DYNC2H1: variants seen among roughly 807,000 people sequenced by gnomAD.
DYNC2H1 encodes the protein cytoplasmic dynein 2 heavy chain 1.
In DYNC2H1, 410 loss-of-function variants were observed where a neutral mutation model predicts 570.0. The ratio of observed to expected loss-of-function variants is 0.72; its 90% CI spans 0.66 to 0.78. The LOEUF is 0.78. Among genes scored for constraint, DYNC2H1 ranks in the 30% least tolerant of loss-of-function variants. The pLI, the probability that DYNC2H1 is intolerant of heterozygous loss-of-function variation, is 0.00. For missense variants in DYNC2H1, 4,865 were observed against 5,046.4 expected, an observed-to-expected ratio of 0.96 and a Z score of 1.09; for synonymous variants, 1,688 against 1,677.6, an observed-to-expected ratio of 1.01 and a Z score of -0.15.
At chr11:103,398,189 C>G (rs1277118300) in intron 83 of DYNC2H1, among the ~76,000 whole-genome samples, 1 of 152,088 alleles carries the variant, frequency 6.6e-6, no homozygotes, top group African/African-American at 2.4e-5. Context: ...GTCTATAAGT[C>G]AAATTTTATT....
chr11:103,154,446 T>C lies in DYNC2H1; in HGVS notation c.3303-5T>C. On this transcript the variant is annotated splice_region_variant and splice_polypyrimidine_tract_variant and intron_variant, in intron 22 of 88. Transcript: ENST00000375735. ...AATTTAATATTTCAATATTTGTTTC[T>C]ATAGTGATGATTGCCATCATTTTAG... The C allele has an allele frequency of 4.6e-6, 7 of 1,523,392 alleles. No individual in the cohort carries two copies. The highest frequency in any genetic ancestry group is 6.1e-6 in the Non-Finnish European group (7 of 1,140,414). 94.4% of individuals were successfully genotyped at this position (1,523,392 alleles called of 1,614,324 possible).
chr11:103,478,564 C>T (rs367750335), intron 88 of DYNC2H1, among the ~76,000 whole-genome samples: 32 of 152,114 alleles, frequency 2.1e-4, no homozygotes, highest in African/African-American at 7.0e-4. Context: ...ACCATGGGAA[C>T]GTAACCCAAA....
chr11:103,479,593 A>G lies in DYNC2H1; in HGVS notation c.*340A>G. 3 of 166,794 alleles carry G rather than the reference A, an allele frequency of 1.8e-5. No individual in the cohort carries two copies. In the South Asian group the frequency reaches 5.6e-4, roughly 31 times the overall value. The allele number at this position is 166,794 out of a possible 1,614,324, so 10.3% of individuals were successfully genotyped here. A position where few individuals can be genotyped will look rare whatever the true frequency, so the allele number is the denominator to read the frequency against. On this transcript the variant is annotated 3_prime_UTR_variant, in exon 89 of 89. Transcript: ENST00000375735. ...AAATATTTTGGCTGTCATTTGTGTC[A>G]TAATTATTTAATAAAAGAGCATTCA... is the stretch of plus-strand genomic sequence containing the variant.
intron 82 of DYNC2H1, among the ~76,000 whole-genome samples, chr11:103,348,630 C>A (rs1939880653): frequency 6.6e-6 from 1 of 152,102 alleles, no homozygotes; most frequent in African/African-American, 2.4e-5. Flanking sequence ...ATATTAGGAG[C>A]TTTTCCTTTT....
intron 36 of DYNC2H1, among the ~76,000 whole-genome samples, chr11:103,174,746 A>G (rs1222960749): frequency 1.3e-5 from 2 of 152,150 alleles, no homozygotes; most frequent in African/African-American, 2.4e-5. Flanking sequence ...ATCAGTGGGT[A>G]TATAACAACC....
chr11:103,183,280 A>G (rs1591372449), intron 40 of DYNC2H1, among the ~76,000 whole-genome samples: 1 of 152,010 alleles, frequency 6.6e-6, no homozygotes, highest in East Asian at 1.9e-4. Context: ...AGGCTTTCCA[A>G]TGCAGATACT....
At chr11:103,302,172 T>A (rs777882285) in intron 75 of DYNC2H1, among the ~76,000 whole-genome samples, 1 of 152,018 alleles carries the variant, frequency 6.6e-6, no homozygotes, top group Non-Finnish European at 1.5e-5. Flanking sequence ...CACAGATGAA[T>A]TGTTTAAATA....
chr11:103,360,744 C>G (rs1320232884), intron 83 of DYNC2H1, among the ~76,000 whole-genome samples: 1 of 151,948 alleles, frequency 6.6e-6, no homozygotes. Context: ...AGTCATGGTA[C>G]CTACCTTGTG....
Position 103,185,314 on chromosome 11 carries a change from A to G in DYNC2H1, c.6633+263A>G, listed in dbSNP as rs1303349543. 6.6e-6 allele frequency among the ~76,000 whole-genome samples: 1 copy of G among 151,856 alleles called. No individual in the cohort carries two copies. The highest frequency in any genetic ancestry group is 1.9e-4 in the East Asian group (1 of 5,198). On this transcript the variant is annotated intron_variant, in intron 41 of 88. Transcript: ENST00000375735. The surrounding 1 kb of genome is among the most constrained non-coding windows in gnomAD (Gnocchi z 4.5). ...TTGGACCATATCTTTTTTAAGTTAG[A>G]CATTTTTGAACCTACTTGTCTACAT...
In DYNC2H1 at chr11:103,135,554, A is replaced by G; in HGVS notation, c.2265A>G (p.Lys755=). Reference sequence around the variant, plus strand: ...AACACTGGAATCATCAACTGTACAAAGCTCTGGAGCATCAGTACCAGATGG... The same window carrying G: ...AACACTGGAATCATCAACTGTACAAGGCTCTGGAGCATCAGTACCAGATGG... ...WKQHWNHQLY[K]ALEHQYQMGL... is the part of the protein sequence containing the mutation. Residue 755 remains lysine (K), a synonymous_variant, in exon 16 of 89, where the codon AAA becomes AAG. Transcript: ENST00000375735. 3 of 1,612,086 alleles carry G rather than the reference A, an allele frequency of 1.9e-6. No individual in the cohort carries two copies. The highest frequency in any genetic ancestry group is 2.5e-6 in the Non-Finnish European group (3 of 1,179,188).
At position 103,179,173 on chromosome 11, in the gene DYNC2H1, C is replaced by G; in HGVS notation, c.6287C>G (p.Thr2096Ser). ...CCAAATGTTAACTTTGTATTTGAAA[C>G]TCATGATTTAAGTTGTGCATCACCA... The part of the protein sequence containing the change: ...FGPNVNFVFE[T>S]HDLSCASPAT... Residue 2096 changes from threonine to serine, a missense_variant, in exon 39 of 89, where the codon ACT becomes AGT. Around this residue, in one of 5 missense-constraint regions of DYNC2H1, gnomAD observed 231 missense variants for 310.3 expected, o/e 0.74. Coordinates refer to ENST00000375735, the MANE Select transcript of DYNC2H1 (RefSeq NM_001377.3). 1 of 1,613,040 alleles carries G rather than the reference C, an allele frequency of 6.2e-7. No homozygotes were observed. The highest frequency in any genetic ancestry group is 8.5e-7 in the Non-Finnish European group (1 of 1,179,310).
chr11:103,137,741 T>C (rs1002398731), intron 17 of DYNC2H1, among the ~76,000 whole-genome samples: 1 of 152,144 alleles, frequency 6.6e-6, no homozygotes, highest in Non-Finnish European at 1.5e-5. Context: ...AACTTTAAAG[T>C]AGTTTTTTCC....
In DYNC2H1 at chr11:103,132,986, A is replaced by G. The variant is rs181815595; in HGVS notation, c.1954-569A>G. Among the ~76,000 whole-genome samples, 31 of 152,118 alleles carry G rather than the reference A, an allele frequency of 2.0e-4. 1 individual carries two copies. The highest frequency in any genetic ancestry group is 1.2e-3 in the East Asian group (6 of 5,166). On this transcript the variant is annotated intron_variant, in intron 13 of 88. Coordinates refer to ENST00000375735, the MANE Select transcript of DYNC2H1 (RefSeq NM_001377.3). ...TCATGAATATTACCTTGTCAGGGGGATTGGAACACTGCATGCTTTTGCCAA... is the reference window on the plus strand; with the variant it reads ...TCATGAATATTACCTTGTCAGGGGGGTTGGAACACTGCATGCTTTTGCCAA...
chr11:103,371,671 A>G (rs1221184265), intron 83 of DYNC2H1, among the ~76,000 whole-genome samples: 2 of 152,198 alleles, frequency 1.3e-5, no homozygotes, highest in African/African-American at 4.8e-5. Context: ...AATGAAAAAA[A>G]TATTTTACCC....
intron 87 of DYNC2H1, among the ~76,000 whole-genome samples, chr11:103,467,488 G>T (rs1276663361): frequency 6.6e-6 from 1 of 151,514 alleles, no homozygotes; most frequent in Non-Finnish European, 1.5e-5. Flanking sequence ...CTTTCATTTA[G>T]TATGTTAAAA....
rs1238595474 is a variant in DYNC2H1, at chr11:103,256,792, A to G, written c.10461+552A>G. On this transcript the variant is annotated intron_variant, in intron 68 of 88. Coordinates refer to ENST00000375735, the MANE Select transcript of DYNC2H1 (RefSeq NM_001377.3). The surrounding 1 kb of genome is among the most constrained non-coding windows in gnomAD (Gnocchi z 4.0). ...CATAGTTCGAACTTTTCTTCACATCAGAGATAGCCTGATAGCGCTGTGCTG... is the reference window on the plus strand; with the variant it reads ...CATAGTTCGAACTTTTCTTCACATCGGAGATAGCCTGATAGCGCTGTGCTG... 6.6e-6 allele frequency among the ~76,000 whole-genome samples: 1 copy of G among 152,144 alleles called. No homozygotes were observed. Among genetic ancestry groups the G allele is most frequent in the African/African-American group, 2.4e-5 (1 of 41,428 alleles).
rs772301450 is a variant in DYNC2H1, at chr11:103,311,950, G to T, written c.11566G>T (p.Asp3856Tyr). ...SWTPEQISKK[D>Y]NTHRAHALFS... ...GACTCCTGAGCAAATTAGCAAAAAA[G>T]ATAATACACATCGAGCTCATGCTCT... The change falls in exon 79 of 89, where the codon GAT becomes TAT. Residue 3856 changes from aspartate (D) to tyrosine (Y), a missense_variant. Asp to Tyr is a radical substitution (Grantham distance 160). This residue lies in a region of DYNC2H1 where 2,401 missense variants were observed against 2,454.6 expected (regional missense o/e 0.98). Transcript: ENST00000375735. The T allele has an allele frequency of 1.2e-6, 2 of 1,613,750 alleles. No individual in the cohort carries two copies. The highest frequency in any genetic ancestry group is 1.1e-5 in the South Asian group (1 of 91,048).
In DYNC2H1 at chr11:103,181,919, A is replaced by G; in HGVS notation, c.6477+33A>G. On this transcript the variant is annotated intron_variant, in intron 40 of 88. Coordinates refer to ENST00000375735, the MANE Select transcript of DYNC2H1 (RefSeq NM_001377.3). The surrounding 1 kb of genome is among the most constrained non-coding windows in gnomAD (Gnocchi z 5.0). ...AACCATAATATTTCATAATTAATCG[A>G]GGTGAGAAGTATGATTAAGAGTGAT... The G allele has an allele frequency of 6.3e-7, 1 of 1,587,936 alleles. No homozygotes were observed. Among genetic ancestry groups the G allele is most frequent in the South Asian group, 1.1e-5 (1 of 87,040 alleles).
chr11:103,264,158 G>A lies in DYNC2H1; in HGVS notation c.10695+4181G>A, dbSNP rs1865421066. 6.6e-6 allele frequency among the ~76,000 whole-genome samples: 1 copy of A among 152,162 alleles called. No individual in the cohort carries two copies. Among genetic ancestry groups the A allele is most frequent in the Non-Finnish European group, 1.5e-5 (1 of 68,024 alleles). ...CACCCTCCCAAGACTAAACCAGGAAGAAGTCGAATCCCTGAATAGACCAAT... is the reference window on the plus strand; with the variant it reads ...CACCCTCCCAAGACTAAACCAGGAAAAAGTCGAATCCCTGAATAGACCAAT... On this transcript the variant is annotated intron_variant, in intron 70 of 88. Transcript: ENST00000375735. This position sits in a 1 kb window ranked among gnomAD's most constrained non-coding sequence, Gnocchi z 4.8.
Sources: allele counts gnomAD v4.1 joint callset (sites outside exome capture counted in the v4.1 genomes callset), GRCh38; gene constraint gnomAD v4.1.1; regional missense constraint gnomAD v4.1.1; non-coding constraint Gnocchi (gnomAD v3.1); transcripts MANE v1.5; gene names NCBI Gene and HGNC (gene_info 2026-07-23, HGNC 2026-07-21).